Variants in ASAP2 observed in about 807,000 individuals in gnomAD.
ASAP2 encodes the protein ArfGAP with SH3 domain, ankyrin repeat and PH domain 2, also known as arf-GAP with SH3 domain, ANK repeat and PH domain-containing protein 2.
In ASAP2, 45 loss-of-function variants were observed where a neutral mutation model predicts 131.4. The ratio of observed to expected loss-of-function variants is 0.34; its 90% CI spans 0.27 to 0.44. The LOEUF (loss-of-function observed/expected upper bound fraction) is 0.44. Among genes scored for constraint, ASAP2 ranks in the 20% least tolerant of loss-of-function variants. The pLI, the probability that ASAP2 is intolerant of heterozygous loss-of-function variation, is 1.00. For synonymous variants in ASAP2, 510 were observed against 503.0 expected (o/e 1.01, Z -0.19); for missense variants, 1,011 against 1,297.0 (o/e 0.78, Z 3.39).
intron 12 of ASAP2, among the ~76,000 whole-genome samples, chr2:9,352,441 A>G (rs901172335): frequency 6.6e-6 from 1 of 152,196 alleles, no homozygotes; most frequent in Non-Finnish European, 1.5e-5. Flanking sequence ...CTTAACTCAT[A>G]AGCAATAATA....
At position 9,207,262 on chromosome 2, in the gene ASAP2, A is replaced by G; in HGVS notation, c.126+32A>G. On this transcript the variant is annotated intron_variant, in intron 1 of 27. Coordinates refer to ENST00000281419, the MANE Select transcript of ASAP2 (RefSeq NM_003887.3). The surrounding 1 kb of genome is among the most constrained non-coding windows in gnomAD (Gnocchi z 4.1). ...CGGCCTGCGCGGCGGCTCCGGCCGC[A>G]GGTATCCCGCGCCCCAGCCCCGCCC... 1 of 1,512,120 alleles carries G rather than the reference A, an allele frequency of 6.6e-7. No individual in the cohort carries two copies. The highest frequency in any genetic ancestry group is 8.8e-7 in the Non-Finnish European group (1 of 1,132,320). 93.7% of individuals were successfully genotyped at this position (1,512,120 alleles called of 1,614,324 possible). A position where few individuals can be genotyped will look rare whatever the true frequency, so the allele number is the denominator to read the frequency against.
At chr2:9,262,538 A>G (rs1336557782) in intron 1 of ASAP2, among the ~76,000 whole-genome samples, 1 of 152,230 alleles carries the variant, frequency 6.6e-6, no homozygotes. Flanking sequence ...CGCGGCTAGT[A>G]ATTGGAGCCT....
At chr2:9,367,280 G>A (rs903279928) in intron 15 of ASAP2, among the ~76,000 whole-genome samples, 3 of 151,326 alleles carry the variant, frequency 2.0e-5, no homozygotes, top group Non-Finnish European at 2.9e-5. Context: ...CGATCCACCC[G>A]CCTCGGCCTC....
chr2:9,331,169 A>C (rs1212883321), intron 7 of ASAP2, among the ~76,000 whole-genome samples: 1 of 152,348 alleles, frequency 6.6e-6, no homozygotes, highest in Admixed American at 6.5e-5. Flanking sequence ...GCCTCTGCAC[A>C]CTGCTGTGCT....
chr2:9,344,494 T>C lies in ASAP2; in HGVS notation c.850-38T>C, dbSNP rs772540793. ...TACTGCTTTTCTAAAAATTAGGACCTGGACAAGATTAAAAACACACTCTTC... is the reference window on the plus strand; with the variant it reads ...TACTGCTTTTCTAAAAATTAGGACCCGGACAAGATTAAAAACACACTCTTC... On this transcript the variant is annotated intron_variant, in intron 9 of 27. Coordinates refer to ENST00000281419, the MANE Select transcript of ASAP2 (RefSeq NM_003887.3). 2.6e-6 allele frequency: 4 copies of C among 1,548,174 alleles called. No individual in the cohort carries two copies. In the South Asian group the frequency reaches 4.6e-5, roughly 18 times the overall value.
chr2:9,397,438 C>T (rs1013982097), intron 24 of ASAP2, among the ~76,000 whole-genome samples: 4 of 152,172 alleles, frequency 2.6e-5, no homozygotes, highest in East Asian at 1.9e-4. Context: ...TAGGGCTACC[C>T]GGGACAGACG....
chr2:9,392,613 C>T lies in ASAP2; in HGVS notation c.2519-869C>T, dbSNP rs1056924764. On this transcript the variant is annotated intron_variant, in intron 23 of 27. Transcript: ENST00000281419. This position sits in a 1 kb window ranked among gnomAD's most constrained non-coding sequence, Gnocchi z 4.0. Reference sequence around the variant, plus strand: ...GCTGCATTTGTGTGCTAGAGTCAGACTTTTGAGTTTTCCTTTAAATTGGAA... The same window carrying T: ...GCTGCATTTGTGTGCTAGAGTCAGATTTTTGAGTTTTCCTTTAAATTGGAA... Among the ~76,000 whole-genome samples the T allele has an allele frequency of 3.3e-5, 5 of 152,156 alleles. No homozygotes were observed. Among genetic ancestry groups the T allele is most frequent in the Non-Finnish European group, 7.3e-5 (5 of 68,040 alleles).
chr2:9,289,710 A>G (rs1272517478), intron 2 of ASAP2, among the ~76,000 whole-genome samples: 2 of 152,198 alleles, frequency 1.3e-5, no homozygotes, highest in African/African-American at 2.4e-5. Flanking sequence ...GGATGGGATC[A>G]TTAATATAAG....
chr2:9,369,767 C>T (rs978514246), intron 16 of ASAP2, among the ~76,000 whole-genome samples: 1 of 152,232 alleles, frequency 6.6e-6, no homozygotes, highest in Non-Finnish European at 1.5e-5. Context: ...TCCCAAAGGA[C>T]AGTGAGCAAC....
rs1451381732 is a variant in ASAP2, at chr2:9,405,304, A to G, written c.*1977A>G. On this transcript the variant is annotated 3_prime_UTR_variant, in exon 28 of 28. Coordinates refer to ENST00000281419, the MANE Select transcript of ASAP2 (RefSeq NM_003887.3). ...AAAAGCAACTAAGAGAAAGAAAAAC[A>G]TTGTAGATATCTATTTATATTTAAA... 1.3e-5 allele frequency: 2 copies of G among 152,396 alleles called. No homozygotes were observed. 9.4% of individuals were successfully genotyped at this position (152,396 alleles called of 1,614,324 possible).
chr2:9,284,651 C>T (rs1365694730), intron 2 of ASAP2, among the ~76,000 whole-genome samples: 1 of 152,150 alleles, frequency 6.6e-6, no homozygotes, highest in African/African-American at 2.4e-5. Flanking sequence ...TGGACATACA[C>T]GTGGTAAGTG....
intron 24 of ASAP2, among the ~76,000 whole-genome samples, chr2:9,397,611 C>A (rs374860170): frequency 1.3e-5 from 2 of 151,038 alleles, no homozygotes; most frequent in African/African-American, 4.9e-5. Context: ...GGGTAGGAGT[C>A]AGCAAACTAT....
chr2:9,231,296 G>A (rs1663144607), intron 1 of ASAP2, among the ~76,000 whole-genome samples: 1 of 152,158 alleles, frequency 6.6e-6, no homozygotes, highest in East Asian at 1.9e-4. Flanking sequence ...TTCAGGCTCT[G>A]CCCTCTTCCT....
chr2:9,270,861 C>G (rs568267381), intron 1 of ASAP2, among the ~76,000 whole-genome samples: 14 of 138,810 alleles, frequency 1.0e-4, no homozygotes, highest in African/African-American at 3.6e-4. Flanking sequence ...GGCGCGATCT[C>G]GGCTCACTGC....
At chr2:9,279,670 C>T (rs779627613) in intron 2 of ASAP2, among the ~76,000 whole-genome samples, 8 of 152,294 alleles carry the variant, frequency 5.3e-5, no homozygotes, top group South Asian at 2.1e-4. Context: ...TCGTCCTGCA[C>T]GTACCCACTT....
At chr2:9,251,633 A>C (rs1191291391) in intron 1 of ASAP2, among the ~76,000 whole-genome samples, 6 of 151,826 alleles carry the variant, frequency 4.0e-5, no homozygotes, top group Non-Finnish European at 8.8e-5. Flanking sequence ...CCCTTGGGAG[A>C]AGGGGAAGGG....
chr2:9,242,213 C>T (rs562241577), intron 1 of ASAP2, among the ~76,000 whole-genome samples: 1 of 152,084 alleles, frequency 6.6e-6, no homozygotes, highest in African/African-American at 2.4e-5. Context: ...ATCTTAGGGG[C>T]GCATGCTTTG....
Position 9,405,401 on chromosome 2 carries a change from A to G in ASAP2, c.*2074A>G, listed in dbSNP as rs921187995. On this transcript the variant is annotated 3_prime_UTR_variant, in exon 28 of 28. Transcript: ENST00000281419. ...GCCATTCTCCATCAGATCTGGGATG[A>G]TGGCTCAGAACATGTACACAGACTA... 2 of 152,656 alleles carry G rather than the reference A, an allele frequency of 1.3e-5. No individual in the cohort carries two copies. Among genetic ancestry groups the G allele is most frequent in the Non-Finnish European group, 2.9e-5 (2 of 68,042 alleles). 9.5% of individuals were successfully genotyped at this position (152,656 alleles called of 1,614,324 possible). A position where few individuals can be genotyped will look rare whatever the true frequency, so the allele number is the denominator to read the frequency against.
chr2:9,367,081 A>T (rs1664694917), intron 15 of ASAP2, among the ~76,000 whole-genome samples: 1 of 141,446 alleles, frequency 7.1e-6, no homozygotes, highest in Admixed American at 7.3e-5. Context: ...CCCAGGCTGG[A>T]GTCCAGTGGT....
Sources: allele counts gnomAD v4.1 joint callset (sites outside exome capture counted in the v4.1 genomes callset), GRCh38; gene constraint gnomAD v4.1.1; non-coding constraint Gnocchi (gnomAD v3.1); transcripts MANE v1.5; gene names NCBI Gene and HGNC (gene_info 2026-07-23, HGNC 2026-07-21).